The following LRFN2 variants were observed in gnomAD, a reference collection of about 807,000 sequenced individuals.
LRFN2 encodes leucine rich repeat and fibronectin type III domain containing 2.
In LRFN2, 18 loss-of-function variants were observed where a neutral mutation model predicts 37.3. That is an observed-to-expected ratio of 0.48 (90% CI 0.33 to 0.72). The LOEUF (loss-of-function observed/expected upper bound fraction) is 0.72, where lower values mean the gene tolerates loss of function less well. LRFN2 is among the 30% of genes least tolerant of loss of function. The pLI, the probability that LRFN2 is intolerant of heterozygous loss-of-function variation, is 0.02. For missense variants in LRFN2, 1,006 were observed against 1,060.7 expected (o/e 0.95, Z 0.72); for synonymous variants, 556 against 466.6 (o/e 1.19, Z -2.47).
intron 1 of LRFN2, among the ~76,000 whole-genome samples, chr6:40,529,771 A>G (rs943895197): frequency 2.6e-5 from 4 of 152,236 alleles, no homozygotes; most frequent in Admixed American, 2.0e-4. Context: ...GCCATTAAGT[A>G]GGAGTCATAA....
chr6:40,459,533 A>G (rs1315278360), intron 1 of LRFN2, among the ~76,000 whole-genome samples: 1 of 152,202 alleles, frequency 6.6e-6, no homozygotes, highest in Non-Finnish European at 1.5e-5. Flanking sequence ...TGAACACTTC[A>G]CCATTCCCTG....
intron 1 of LRFN2, among the ~76,000 whole-genome samples, chr6:40,462,479 T>G (rs979456146): frequency 1.3e-5 from 2 of 152,104 alleles, no homozygotes; most frequent in Non-Finnish European, 2.9e-5. Context: ...AAGTCCTCTC[T>G]GTCTAGGAGA....
intron 1 of LRFN2, among the ~76,000 whole-genome samples, chr6:40,539,983 C>T (rs1466195691): frequency 6.6e-6 from 1 of 152,126 alleles, no homozygotes; most frequent in African/African-American, 2.4e-5. Flanking sequence ...GGCTGTAATG[C>T]TTGAGATCTG....
chr6:40,427,122 T>C (rs774574696), intron 2 of LRFN2, among the ~76,000 whole-genome samples: 2 of 152,270 alleles, frequency 1.3e-5, no homozygotes, highest in Non-Finnish European at 2.9e-5. Flanking sequence ...AGATGATTAA[T>C]TGATTGATAG....
At chr6:40,418,953 C>T (rs947273315) in intron 2 of LRFN2, among the ~76,000 whole-genome samples, 1 of 152,128 alleles carries the variant, frequency 6.6e-6, no homozygotes, top group Admixed American at 6.5e-5. Flanking sequence ...AAGTAAAGTC[C>T]CAAGACCAGC....
chr6:40,440,910 A>G (rs1763819889), intron 1 of LRFN2, among the ~76,000 whole-genome samples: 1 of 152,172 alleles, frequency 6.6e-6, no homozygotes, highest in Non-Finnish European at 1.5e-5. Context: ...TCAAATCCTT[A>G]TTTCAAATCA....
At chr6:40,540,887 G>A (rs547941099) in intron 1 of LRFN2, among the ~76,000 whole-genome samples, 1 of 152,150 alleles carries the variant, frequency 6.6e-6, no homozygotes, top group African/African-American at 2.4e-5. Flanking sequence ...CCCTTTCCCA[G>A]CTTGCTCTCA....
chr6:40,474,441 C>A (rs1280440773), intron 1 of LRFN2, among the ~76,000 whole-genome samples: 4 of 152,100 alleles, frequency 2.6e-5, no homozygotes, highest in Non-Finnish European at 5.9e-5. Flanking sequence ...GTTATAAGCA[C>A]ACTAGCATTG....
At chr6:40,496,133 C>T in intron 1 of LRFN2, among the ~76,000 whole-genome samples, 1 of 152,154 alleles carries the variant, frequency 6.6e-6, no homozygotes, top group East Asian at 1.9e-4. Context: ...ACCAAAGAGC[C>T]CATCTATCCC....
intron 1 of LRFN2, among the ~76,000 whole-genome samples, chr6:40,527,052 C>T (rs1294396188): frequency 6.6e-6 from 1 of 152,180 alleles, no homozygotes; most frequent in Non-Finnish European, 1.5e-5. Flanking sequence ...TCCAATGTGG[C>T]TAAGGGAAGG....
At chr6:40,515,034 C>T (rs1225865098) in intron 1 of LRFN2, among the ~76,000 whole-genome samples, 2 of 152,246 alleles carry the variant, frequency 1.3e-5, no homozygotes, top group African/African-American at 4.8e-5. Context: ...CCTGGTCACT[C>T]TCTAGTGGGT....
chr6:40,547,832 C>A (rs539937872), intron 1 of LRFN2, among the ~76,000 whole-genome samples: 1 of 152,170 alleles, frequency 6.6e-6, no homozygotes, highest in Non-Finnish European at 1.5e-5. Context: ...CTTCTCCCTC[C>A]AAGTTTAGGG....
At chr6:40,450,634 G>A (rs1271137809) in intron 1 of LRFN2, among the ~76,000 whole-genome samples, 3 of 152,168 alleles carry the variant, frequency 2.0e-5, no homozygotes, top group Non-Finnish European at 4.4e-5. Context: ...GTTATACACG[G>A]GCAACACCAA....
chr6:40,422,165 T>C (rs762215301), intron 2 of LRFN2, among the ~76,000 whole-genome samples: 5 of 151,470 alleles, frequency 3.3e-5, no homozygotes, highest in African/African-American at 7.4e-5. Context: ...GATAACCCCA[T>C]AGAGAAAAGA....
intron 1 of LRFN2, among the ~76,000 whole-genome samples, chr6:40,518,686 TA>T (rs1156494169): frequency 2.0e-5 from 3 of 152,194 alleles, no homozygotes; most frequent in Non-Finnish European, 4.4e-5. Context: ...TCATTCAGGA[TA>T]CACTTAGTCA....
At chr6:40,508,641 C>A (rs74527522) in intron 1 of LRFN2, among the ~76,000 whole-genome samples, 2,645 of 152,298 alleles carry the variant, frequency 0.017, 24 homozygotes, top group Non-Finnish European at 0.024. Context: ...CCGGAAAATG[C>A]AATTGACAAA....
intron 1 of LRFN2, among the ~76,000 whole-genome samples, chr6:40,581,281 C>T (rs1767393832): frequency 6.6e-6 from 1 of 152,212 alleles, no homozygotes; most frequent in African/African-American, 2.4e-5. Flanking sequence ...GAGGCTGGAT[C>T]ATGGACTCGT....
Position 40,577,171 on chromosome 6 carries a change from A to G in LRFN2, c.-19+9770T>C, listed in dbSNP as rs186328353. Among the ~76,000 whole-genome samples, 349 of 149,070 alleles carry G rather than the reference A, an allele frequency of 2.3e-3. 2 individuals are homozygous for G. The highest frequency in any genetic ancestry group is 0.014 in the Middle Eastern group (4 of 288). On this transcript the variant is annotated intron_variant, in intron 1 of 2. Coordinates refer to ENST00000338305, the MANE Select transcript of LRFN2 (RefSeq NM_020737.3). ...GGCTGGAGTGCAGTGGCATGATCTC[A>G]GCTCACTGCAACTTCCACCTCCTGG...
chr6:40,518,215 C>T (rs1419398123), intron 1 of LRFN2, among the ~76,000 whole-genome samples: 1 of 152,080 alleles, frequency 6.6e-6, no homozygotes, highest in Non-Finnish European at 1.5e-5. Context: ...TGAACTTGGC[C>T]CTGTACTAAG....
Sources: allele counts gnomAD v4.1 joint callset (sites outside exome capture counted in the v4.1 genomes callset), GRCh38; gene constraint gnomAD v4.1.1; transcripts MANE v1.5; gene names NCBI Gene and HGNC (gene_info 2026-07-23, HGNC 2026-07-21).